Variants in RPS6KA2 observed in about 807,000 individuals in gnomAD.
The protein encoded by RPS6KA2 is ribosomal protein S6 kinase alpha-2.
RPS6KA2 carries 42 observed loss-of-function variants against 91.8 expected under a neutral mutation model. The observed-to-expected ratio is 0.46, with a 90% CI of 0.36 to 0.59. RPS6KA2 has a LOEUF of 0.59. Ranked by LOEUF, RPS6KA2 falls within the 20% of genes least tolerant of loss-of-function variation. RPS6KA2 has a pLI of 0.00. For synonymous variants in RPS6KA2, 414 were observed against 393.6 expected (o/e 1.05, Z -0.61); for missense variants, 798 against 978.5 (o/e 0.82, Z 2.46).
chr6:166,615,152 T>C (rs1786357811), intron 1 of RPS6KA2, among the ~76,000 whole-genome samples: 1 of 152,226 alleles, frequency 6.6e-6, no homozygotes, highest in Admixed American at 6.5e-5. Context: ...GCATTGTTCA[T>C]TAGCACCTTT....
chr6:166,457,810 T>C (rs1780151917), intron 12 of RPS6KA2, among the ~76,000 whole-genome samples: 1 of 152,242 alleles, frequency 6.6e-6, no homozygotes, highest in South Asian at 2.1e-4. Flanking sequence ...CAGCTGAATC[T>C]GGAGGAACAA....
intron 17 of RPS6KA2, among the ~76,000 whole-genome samples, chr6:166,422,667 GAGA>G (rs1778764667): frequency 1.3e-5 from 2 of 152,210 alleles, no homozygotes; most frequent in African/African-American, 4.8e-5. Flanking sequence ...TGTGAAAAGA[GAGA>G]AGTTCACCAG....
chr6:166,582,962 C>A (rs955563121), intron 1 of RPS6KA2, among the ~76,000 whole-genome samples: 2 of 152,122 alleles, frequency 1.3e-5, no homozygotes, highest in African/African-American at 4.8e-5. Flanking sequence ...ATATTTTTTA[C>A]CTTCCACATT....
chr6:166,558,500 T>C (rs946056483), intron 1 of RPS6KA2, among the ~76,000 whole-genome samples: 9 of 152,186 alleles, frequency 5.9e-5, no homozygotes, highest in African/African-American at 2.2e-4. Flanking sequence ...TCTGTGCATG[T>C]GTGGCCAAGT....
intron 2 of RPS6KA2, among the ~76,000 whole-genome samples, chr6:166,812,566 GAAATCCT>G (rs1206033220): frequency 7.2e-4 from 110 of 152,234 alleles, no homozygotes; most frequent in African/African-American, 2.6e-3. Context: ...TAGTGCAATG[GAAATCCT>G]CCACATGGGG....
intron 2 of RPS6KA2, among the ~76,000 whole-genome samples, chr6:166,760,800 T>C (rs1222946860): frequency 6.6e-6 from 1 of 152,236 alleles, no homozygotes; most frequent in African/African-American, 2.4e-5. Flanking sequence ...CCTACAGTCA[T>C]TTGGGTTTTG....
At chr6:166,695,128 G>T (rs1326533479) in intron 2 of RPS6KA2, among the ~76,000 whole-genome samples, 6 of 152,210 alleles carry the variant, frequency 3.9e-5, no homozygotes, top group Non-Finnish European at 8.8e-5. Context: ...TGATATGGCT[G>T]CTGTGCAGTG....
At chr6:166,590,622 A>G (rs147918904) in intron 1 of RPS6KA2, among the ~76,000 whole-genome samples, 1 of 152,262 alleles carries the variant, frequency 6.6e-6, no homozygotes, top group Non-Finnish European at 1.5e-5. Flanking sequence ...TTGCCCCACA[A>G]CACACACACG....
intron 1 of RPS6KA2, among the ~76,000 whole-genome samples, chr6:166,562,956 G>A (rs570846659): frequency 2.2e-4 from 33 of 152,310 alleles, no homozygotes; most frequent in Admixed American, 2.0e-4. Flanking sequence ...AAGGACAGGC[G>A]CCCCGGCGGG....
chr6:166,755,464 T>A (rs896622278), intron 2 of RPS6KA2, among the ~76,000 whole-genome samples: 1 of 151,282 alleles, frequency 6.6e-6, no homozygotes, highest in Non-Finnish European at 1.5e-5. Flanking sequence ...CCTACACAAC[T>A]GGGGTTTATT....
chr6:166,703,026 T>C (rs1440339301), intron 2 of RPS6KA2, among the ~76,000 whole-genome samples: 1 of 152,164 alleles, frequency 6.6e-6, no homozygotes, highest in Non-Finnish European at 1.5e-5. Flanking sequence ...TTTCCTTGTC[T>C]AGATATGTTT....
At chr6:166,815,783 CAA>C (rs1162823608) in intron 2 of RPS6KA2, among the ~76,000 whole-genome samples, 3 of 152,140 alleles carry the variant, frequency 2.0e-5, no homozygotes, top group Non-Finnish European at 2.9e-5. Flanking sequence ...AGAATGAACA[CAA>C]AAGTTTTGAG....
At chr6:166,455,715 C>A (rs1475388372) in intron 12 of RPS6KA2, among the ~76,000 whole-genome samples, 1 of 152,214 alleles carries the variant, frequency 6.6e-6, no homozygotes, top group Non-Finnish European at 1.5e-5. Context: ...CGGAGCCGCT[C>A]GAGGAGGAGG....
chr6:166,699,939 C>G (rs1789461493), intron 2 of RPS6KA2, among the ~76,000 whole-genome samples: 1 of 152,160 alleles, frequency 6.6e-6, no homozygotes, highest in African/African-American at 2.4e-5. Flanking sequence ...GGAAATGTAG[C>G]CTTTTGTTGC....
In RPS6KA2 at chr6:166,770,175, G is replaced by A. The variant is rs189811041; in HGVS notation, c.123+88025C>T. Among the ~76,000 whole-genome samples the A allele has an allele frequency of 1.6e-4, 24 of 152,284 alleles. No homozygotes were observed. The East Asian group carries it at 2.3e-3, about 15-fold the overall frequency. On this transcript the variant is annotated intron_variant, in intron 2 of 21. Transcript: ENST00000503859. This position sits in a 1 kb window ranked among gnomAD's most constrained non-coding sequence, Gnocchi z 5.1. ...CCATGGTGTCACAACCACATGTGGC[G>A]TGACTACCGACTTACTACATTTCAC...
At chr6:166,594,002 A>T (rs1583309879) in intron 1 of RPS6KA2, among the ~76,000 whole-genome samples, 1 of 152,226 alleles carries the variant, frequency 6.6e-6, no homozygotes, top group South Asian at 2.1e-4. Context: ...CCCTAAGAGA[A>T]TAAAAGTGCA....
intron 1 of RPS6KA2, among the ~76,000 whole-genome samples, chr6:166,622,997 A>C (rs181505537): frequency 1.7e-3 from 260 of 152,372 alleles, no homozygotes; most frequent in Non-Finnish European, 2.3e-3. Flanking sequence ...AATTGAGCAA[A>C]TAGATAAATA....
intron 2 of RPS6KA2, chr6:166,702,507 C>A: frequency 6.5e-7 from 1 of 1,534,404 alleles, no homozygotes; most frequent in Non-Finnish European, 9.0e-7. Context: ...TGTTCACTTG[C>A]TGACAGCTCT....
chr6:166,563,309 G>A lies in RPS6KA2; in HGVS notation c.100-24525C>T, dbSNP rs1294986614. 6.6e-6 allele frequency among the ~76,000 whole-genome samples: 1 copy of A among 152,190 alleles called. No homozygotes were observed. The highest frequency in any genetic ancestry group is 1.5e-5 in the Non-Finnish European group (1 of 68,022). ...CCCAGCGGGAAGCACTCGGAGGAGCGGGGGCCAACCCGGAATCAGCCTCTG... is the reference window on the plus strand; with the variant it reads ...CCCAGCGGGAAGCACTCGGAGGAGCAGGGGCCAACCCGGAATCAGCCTCTG... On this transcript the variant is annotated intron_variant, in intron 1 of 20. Transcript: ENST00000265678. The surrounding 1 kb of genome is among the most constrained non-coding windows in gnomAD (Gnocchi z 4.1).
Sources: allele counts gnomAD v4.1 joint callset (sites outside exome capture counted in the v4.1 genomes callset), GRCh38; gene constraint gnomAD v4.1.1; non-coding constraint Gnocchi (gnomAD v3.1); transcripts MANE v1.5; gene names NCBI Gene and HGNC (gene_info 2026-07-23, HGNC 2026-07-21).